The following LDB2 variants were observed in gnomAD, a reference collection of about 807,000 sequenced individuals.
LDB2 encodes LIM domain-binding protein 2.
LDB2 carries 12 observed loss-of-function variants against 44.3 expected under a neutral mutation model. The ratio of observed to expected loss-of-function variants is 0.27; its 90% CI spans 0.17 to 0.44. The LOEUF is 0.44. Ranked by LOEUF, LDB2 falls within the 20% of genes least tolerant of loss-of-function variation. The pLI, the probability that LDB2 is intolerant of heterozygous loss-of-function variation, is 1.00. For synonymous variants in LDB2, 164 were observed against 174.8 expected (o/e 0.94, Z 0.49); for missense variants, 344 against 473.5 (o/e 0.73, Z 2.54).
intron 1 of LDB2, among the ~76,000 whole-genome samples, chr4:16,882,124 A>G (rs1435039733): frequency 1.3e-5 from 2 of 151,868 alleles, no homozygotes; most frequent in East Asian, 3.9e-4. Flanking sequence ...TCAACAGCTC[A>G]CTCTTGGCAC....
chr4:16,711,744 A>G (rs1028564750), intron 2 of LDB2, among the ~76,000 whole-genome samples: 5 of 152,224 alleles, frequency 3.3e-5, no homozygotes, highest in African/African-American at 1.2e-4. Flanking sequence ...GGATAGACAT[A>G]TAGATCAATG....
In LDB2 at chr4:16,646,530, T is replaced by A. The variant is rs180777033; in HGVS notation, c.236-50655A>T. On this transcript the variant is annotated intron_variant, in intron 2 of 7. Transcript: ENST00000304523. ...GGAATGTTACTGGTTCAACATGGCC[T>A]CTTGCACATCTGCCATAAGAAGAAT... 3.0e-3 allele frequency among the ~76,000 whole-genome samples: 457 copies of A among 152,328 alleles called. 3 individuals carry two copies. Among genetic ancestry groups the A allele is most frequent in the African/African-American group, 0.011 (445 of 41,576 alleles).
rs375369628 is a variant in LDB2 at position 16,796,569 on chromosome 4, AC to A, written c.133-37310del. Among the ~76,000 whole-genome samples, 39 of 151,994 alleles carry A rather than the reference AC, an allele frequency of 2.6e-4. No homozygotes were observed. In the East Asian group the frequency reaches 3.7e-3, roughly 14 times the overall value. On this transcript the variant is annotated intron_variant, in intron 1 of 7. Coordinates refer to ENST00000304523, the MANE Select transcript of LDB2 (RefSeq NM_001290.5). ...AGAATCACAAGTGATTTATGTAGACACCCCCCTTGCAAGGAGATGGAGCCTC... is the reference window on the plus strand; with the variant it reads ...AGAATCACAAGTGATTTATGTAGACACCCCCTTGCAAGGAGATGGAGCCTC...
chr4:16,814,944 A>G (rs1211958169), intron 1 of LDB2, among the ~76,000 whole-genome samples: 5 of 152,242 alleles, frequency 3.3e-5, no homozygotes, highest in Admixed American at 2.6e-4. Flanking sequence ...ATTCAAAAGC[A>G]AAAGTATCTT....
chr4:16,759,419 C>T (rs1000989378), intron 1 of LDB2, 159 bp from the exon 2 acceptor site: 14 of 582,790 alleles, frequency 2.4e-5, no homozygotes, highest in Non-Finnish European at 3.7e-5. Context: ...GGTCACTCTT[C>T]AAATTAATTG....
intron 1 of LDB2, among the ~76,000 whole-genome samples, chr4:16,842,561 T>C (rs1786085928): frequency 6.6e-6 from 1 of 152,216 alleles, no homozygotes; most frequent in Admixed American, 6.5e-5. Flanking sequence ...ATATTTTGAA[T>C]ACACCCCATG....
intron 2 of LDB2, among the ~76,000 whole-genome samples, chr4:16,694,802 G>A (rs905489110): frequency 6.6e-6 from 1 of 152,218 alleles, no homozygotes. Flanking sequence ...CAGAGTTGTG[G>A]AGAGGATTTA....
intron 5 of LDB2, among the ~76,000 whole-genome samples, chr4:16,583,049 C>T (rs887087217): frequency 6.6e-6 from 1 of 152,226 alleles, no homozygotes. Context: ...TTCACAATGT[C>T]CACAGCTCGG....
chr4:16,821,733 T>C (rs1579984416), intron 1 of LDB2, among the ~76,000 whole-genome samples: 1 of 61,010 alleles, frequency 1.6e-5, no homozygotes, highest in Non-Finnish European at 3.1e-5. Flanking sequence ...TGGAAACCAT[T>C]CCAACATTAA....
intron 5 of LDB2, among the ~76,000 whole-genome samples, chr4:16,559,813 G>A (rs942115186): frequency 2.6e-5 from 4 of 152,128 alleles, no homozygotes; most frequent in Non-Finnish European, 4.4e-5. Context: ...CACATAGTTG[G>A]AAGTAAAGCT....
intron 1 of LDB2, among the ~76,000 whole-genome samples, chr4:16,812,312 T>G (rs1470562454): frequency 6.6e-6 from 1 of 152,112 alleles, no homozygotes; most frequent in African/African-American, 2.4e-5. Context: ...TCTAGATTAC[T>G]TTCTCCCTCC....
chr4:16,872,240 A>T (rs570727196), intron 1 of LDB2, among the ~76,000 whole-genome samples: 1 of 152,096 alleles, frequency 6.6e-6, no homozygotes, highest in Admixed American at 6.6e-5. Context: ...TGACCACGTT[A>T]TCTAAAGTAG....
intron 2 of LDB2, among the ~76,000 whole-genome samples, chr4:16,613,692 C>T (rs1261081237): frequency 2.6e-5 from 4 of 152,016 alleles, no homozygotes; most frequent in African/African-American, 7.2e-5. Flanking sequence ...AAAAAAATAC[C>T]TAGGAATACA....
chr4:16,591,939 C>T (rs1264054619), intron 3 of LDB2, among the ~76,000 whole-genome samples: 1 of 150,986 alleles, frequency 6.6e-6, no homozygotes, highest in Non-Finnish European at 1.5e-5. Context: ...ATTAAGAAAA[C>T]ATTTTCTGTT....
chr4:16,721,488 T>C (rs1758268660), intron 2 of LDB2, among the ~76,000 whole-genome samples: 1 of 152,172 alleles, frequency 6.6e-6, no homozygotes, highest in South Asian at 2.1e-4. Context: ...TTTAGAATTA[T>C]TAATTAAACT....
intron 2 of LDB2, among the ~76,000 whole-genome samples, chr4:16,610,432 C>A (rs1406209046): frequency 1.3e-5 from 2 of 152,132 alleles, no homozygotes; most frequent in African/African-American, 4.8e-5. Flanking sequence ...AAAGGAGCAT[C>A]TTCTAACCCA....
At chr4:16,573,293 A>T (rs542607609) in intron 5 of LDB2, among the ~76,000 whole-genome samples, 2 of 152,104 alleles carry the variant, frequency 1.3e-5, no homozygotes, top group Non-Finnish European at 2.9e-5. Flanking sequence ...TCTGAATCAG[A>T]CTCATGTTAC....
At chr4:16,766,439 T>C (rs1769229947) in intron 1 of LDB2, among the ~76,000 whole-genome samples, 1 of 148,814 alleles carries the variant, frequency 6.7e-6, no homozygotes, top group Admixed American at 6.7e-5. Flanking sequence ...AATGTATGTA[T>C]GTGTGTGTAT....
At chr4:16,860,589 C>T (rs1712199901) in intron 1 of LDB2, among the ~76,000 whole-genome samples, 1 of 152,186 alleles carries the variant, frequency 6.6e-6, no homozygotes, top group Non-Finnish European at 1.5e-5. Flanking sequence ...TATCTCTGGT[C>T]CAGGTTTGTT....
Sources: gnomAD v4.1 joint callset for allele counts (sites outside exome capture counted in the v4.1 genomes callset) on GRCh38, gnomAD v4.1.1 for gene constraint, MANE v1.5 for transcripts, NCBI Gene and HGNC (gene_info 2026-07-23, HGNC 2026-07-21) for gene names.